DNAH5: variants seen among roughly 807,000 people sequenced by gnomAD.
The protein encoded by DNAH5 is axonemal beta dynein heavy chain 5.
DNAH5 carries 372 observed loss-of-function variants against 518.2 expected under a neutral mutation model. The ratio of observed to expected loss-of-function variants is 0.72; its 90% confidence interval spans 0.66 to 0.78. The LOEUF (loss-of-function observed/expected upper bound fraction) is 0.78. DNAH5 is among the 30% of genes least tolerant of loss of function. The pLI is 0.00. For synonymous variants in DNAH5, 2,039 were observed against 2,025.9 expected, an observed-to-expected ratio of 1.01 and a Z score of -0.17; for missense variants, 5,523 against 5,687.0, an observed-to-expected ratio of 0.97 and a Z score of 0.93.
intron 45 of DNAH5, 75 bp downstream of exon 45, chr5:13,809,984 T>A: frequency 7.4e-7 from 1 of 1,353,284 alleles, no homozygotes; most frequent in Non-Finnish European, 1.0e-6. Context: ...AGAAAAAATA[T>A]ATATGGTGTA....
intron 76 of DNAH5, among the ~76,000 whole-genome samples, chr5:13,706,868 G>T (rs2126446638): frequency 6.6e-6 from 1 of 152,298 alleles, no homozygotes; most frequent in Middle Eastern, 3.4e-3. Flanking sequence ...TGATACCAGA[G>T]CAGGGCAGGG....
chr5:13,841,419 A>T (rs1039680190), intron 33 of DNAH5, among the ~76,000 whole-genome samples: 1 of 152,176 alleles, frequency 6.6e-6, no homozygotes, highest in Non-Finnish European at 1.5e-5. Flanking sequence ...ACATTGTTAC[A>T]TCAAAAGATT....
chr5:13,868,659 A>G (rs1223616264), intron 24 of DNAH5, among the ~76,000 whole-genome samples: 2 of 152,124 alleles, frequency 1.3e-5, no homozygotes, highest in African/African-American at 4.8e-5. Context: ...AATTTGGGGG[A>G]AAACATTGTT....
In DNAH5 at chr5:13,758,960, A is replaced by G; in HGVS notation, c.10305T>C (p.Asn3435=). The change falls in exon 61 of 79, where the codon AAT becomes AAC. Residue 3435 remains asparagine (N), a synonymous_variant. Transcript: ENST00000265104. ...GATCCTGCATGGCCAGGAGATGGCG[A>G]TTCTCTTGCACCACCAAGTTGGCCT... ...PLKANLVVQE[N]RHLLAMQDLQ... 6.2e-7 allele frequency: 1 copy of G among 1,614,128 alleles called. No homozygotes were observed. The highest frequency in any genetic ancestry group is 8.5e-7 in the Non-Finnish European group (1 of 1,180,004).
In DNAH5 at chr5:13,905,319, T is replaced by C. The variant is rs553782551; in HGVS notation, c.1645-3181A>G. On this transcript the variant is annotated intron_variant, in intron 12 of 78. Transcript: ENST00000265104. ...GGTTCTGCTCCCATCGGTGGATTAA[T>C]GTTATCGCAGGAGTGGGTTGTTATA... Among the ~76,000 whole-genome samples the C allele has an allele frequency of 3.9e-5, 6 of 152,292 alleles. No individual in the cohort carries two copies. In the South Asian group the frequency reaches 1.2e-3, roughly 32 times the overall value.
At chr5:13,805,854 G>A (rs1408614410) in intron 47 of DNAH5, among the ~76,000 whole-genome samples, 1 of 152,186 alleles carries the variant, frequency 6.6e-6, no homozygotes, top group African/African-American at 2.4e-5. Context: ...TTGGTCAGAG[G>A]TATGGGTCTC....
At chr5:13,806,615 G>A (rs1441257291) in intron 47 of DNAH5, among the ~76,000 whole-genome samples, 1 of 152,118 alleles carries the variant, frequency 6.6e-6, no homozygotes, top group African/African-American at 2.4e-5. Flanking sequence ...TTTATGACAT[G>A]TATCTTCTGG....
intron 53 of DNAH5, among the ~76,000 whole-genome samples, chr5:13,780,217 TC>T (rs1028579115): frequency 6.6e-6 from 1 of 152,174 alleles, no homozygotes; most frequent in Non-Finnish European, 1.5e-5. Flanking sequence ...TTTCTAATCA[TC>T]CCTTAGACTA....
chr5:13,801,137 C>T (rs953380384), intron 47 of DNAH5, among the ~76,000 whole-genome samples: 1 of 152,146 alleles, frequency 6.6e-6, no homozygotes, highest in Non-Finnish European at 1.5e-5. Flanking sequence ...ATTGTCATCC[C>T]CAATGTTGGA....
intron 1 of DNAH5, among the ~76,000 whole-genome samples, chr5:13,955,458 G>A (rs779661737): frequency 1.2e-4 from 19 of 152,124 alleles, no homozygotes; most frequent in Non-Finnish European, 2.8e-4. Flanking sequence ...AACAAAGAAT[G>A]GAAGAAAACA....
chr5:13,759,024 C>T, intron 60 of DNAH5, 41 bp from the exon 61 acceptor site: 5 of 1,613,096 alleles, frequency 3.1e-6, no homozygotes, highest in Non-Finnish European at 4.2e-6. Context: ...GGGCAGCCAA[C>T]CTCAAAACAT....
chr5:13,772,085 C>T (rs754635028), intron 55 of DNAH5, among the ~76,000 whole-genome samples: 21 of 152,260 alleles, frequency 1.4e-4, no homozygotes, highest in Non-Finnish European at 2.1e-4. Context: ...GTACAAAGAA[C>T]GGTTTAAACT....
chr5:13,840,125 G>GC (rs75887696), intron 34 of DNAH5, among the ~76,000 whole-genome samples: 61,124 of 152,046 alleles, frequency 0.4, 12,683 homozygotes, highest in East Asian at 0.61. Context: ...ATTAGCCTGA[G>GC]CCCTTTATTC....
At chr5:13,706,997 C>T (rs912178336) in intron 76 of DNAH5, among the ~76,000 whole-genome samples, 2 of 152,152 alleles carry the variant, frequency 1.3e-5, no homozygotes, top group Non-Finnish European at 2.9e-5. Context: ...GTTGCATTTT[C>T]CAAGACCACT....
At chr5:13,701,698 A>G (rs752575368) in intron 76 of DNAH5, among the ~76,000 whole-genome samples, 2 of 152,230 alleles carry the variant, frequency 1.3e-5, no homozygotes, top group Non-Finnish European at 2.9e-5. Flanking sequence ...GAGCTGTTCA[A>G]GATATCTAAC....
At chr5:13,714,642 T>G in intron 74 of DNAH5, 22 bp from the exon 75 acceptor site, 1 of 1,611,976 alleles carries the variant, frequency 6.2e-7, no homozygotes, top group Non-Finnish European at 8.5e-7. Context: ...ACACCCCAGA[T>G]AAGCACAGAC....
Position 13,770,874 on chromosome 5 carries a change from A to G in DNAH5, c.9480T>C (p.Cys3160=). ...GTCGGAATCTCTGAAAATAATCAAC[A>G]CACTTCTCAGCCACCCCATCCTGGA... The part of the protein sequence containing the change: ...GSFQDGVAEK[C]VDYFQRFRRS... Residue 3160 remains cysteine, a synonymous_variant, in exon 56 of 79, where the codon TGT becomes TGC. Coordinates refer to ENST00000265104, the MANE Select transcript of DNAH5 (RefSeq NM_001369.3). 6.2e-7 allele frequency: 1 copy of G among 1,613,914 alleles called. No individual in the cohort carries two copies. Among genetic ancestry groups the G allele is most frequent in the Admixed American group, 1.7e-5 (1 of 59,996 alleles).
chr5:13,714,513 G>C lies in DNAH5; in HGVS notation c.13017C>G (p.Ile4339Met). 2 of 1,614,108 alleles carry C rather than the reference G, an allele frequency of 1.2e-6. No individual in the cohort carries two copies. The highest frequency in any genetic ancestry group is 1.7e-6 in the Non-Finnish European group (2 of 1,180,006). ...CTCCACCAGAGGTGTCCTTGGGTTG[G>C]ATGCCTAGGATGGTGTCCAGCACGT... ...AKDVLDTILG[I>M]QPKDTSGGGD... The change falls in exon 75 of 79, where the codon ATC (isoleucine) becomes ATG (methionine). Residue 4339 changes from isoleucine (I) to methionine (M), a missense_variant. By Grantham distance (10) the Ile-to-Met change is conservative. Transcript: ENST00000265104.
intron 1 of DNAH5, among the ~76,000 whole-genome samples, chr5:13,938,651 G>A (rs1779182943): frequency 6.6e-6 from 1 of 151,974 alleles, no homozygotes; most frequent in East Asian, 1.9e-4. Context: ...TTCAGTGGGG[G>A]TCTTGGAATA....
Sources: gnomAD v4.1 joint callset for allele counts (sites outside exome capture counted in the v4.1 genomes callset) on GRCh38, gnomAD v4.1.1 for gene constraint, MANE v1.5 for transcripts, NCBI Gene and HGNC (gene_info 2026-07-23, HGNC 2026-07-21) for gene names.